Variants in RAB3GAP1 observed in about 807,000 individuals in gnomAD.
The protein encoded by RAB3GAP1 is rab3 GTPase-activating protein catalytic subunit.
Under a neutral mutation model 130.7 loss-of-function variants are expected in RAB3GAP1, and 86 were observed. The ratio of observed to expected loss-of-function variants is 0.66; its 90% CI spans 0.55 to 0.79. RAB3GAP1 has a LOEUF of 0.79. Among genes scored for constraint, RAB3GAP1 ranks in the 30% least tolerant of loss-of-function variants. The probability of loss-of-function intolerance (pLI) is 0.00; values close to 1 mark genes in which losing one functional copy is unlikely to be tolerated. For missense variants in RAB3GAP1, 1,029 were observed against 1,169.4 expected, an observed-to-expected ratio of 0.88 and a Z score of 1.75; for synonymous variants, 367 against 401.7, an observed-to-expected ratio of 0.91 and a Z score of 1.03.
rs371640817 is a variant in RAB3GAP1, at chr2:135,113,185, G to A, written c.397G>A (p.Ala133Thr). The change falls in exon 6 of 24, where the codon GCT (alanine) becomes ACT (threonine). Residue 133 changes from alanine (A) to threonine (T), a missense_variant. Physicochemically the swap from Ala to Thr is moderately conservative, Grantham distance 58. Transcript: ENST00000264158. The stretch of plus-strand genomic sequence containing the variant: ...ACGTGAGTTCGTGGTGATTGCCCCT[G>A]CTGCACACAGTGACGCTGTTCTCAG... ...GLREFVVIAP[A>T]AHSDAVLSES... 1.1e-5 allele frequency: 17 copies of A among 1,613,966 alleles called. No homozygotes were observed. The African/African-American group carries it at 1.7e-4, about 16-fold the overall frequency.
intron 3 of RAB3GAP1, chr2:135,089,556 T>C (rs553920134): frequency 1.3e-5 from 2 of 152,860 alleles, no homozygotes; most frequent in East Asian, 3.9e-4. Context: ...TCCTCTCTTA[T>C]TTCCTTGCCT....
At chr2:135,130,790 T>C in intron 13 of RAB3GAP1, 69 bp downstream of exon 13, 1 of 1,431,116 alleles carries the variant, frequency 7.0e-7, no homozygotes, top group Non-Finnish European at 9.8e-7. Context: ...CCAGTTCCTT[T>C]TATGTGGTAG....
In RAB3GAP1 at chr2:135,153,670, C is replaced by G; in HGVS notation, c.2083C>G (p.Leu695Val). The G allele has an allele frequency of 6.2e-7, 1 of 1,613,864 alleles. No homozygotes were observed. Among genetic ancestry groups the G allele is most frequent in the Non-Finnish European group, 8.5e-7 (1 of 1,179,874 alleles). Residue 695 changes from leucine (L) to valine (V), a missense_variant, in exon 19 of 24, where the codon CTG becomes GTG. By Grantham distance (32) the Leu-to-Val change is conservative. Around this residue, in one of 3 missense-constraint regions of RAB3GAP1, gnomAD observed 373 missense variants for 493.6 expected, o/e 0.76. Coordinates refer to ENST00000264158, the MANE Select transcript of RAB3GAP1 (RefSeq NM_012233.3). ...SFKAANPGCS[L>V]EDFVRWYSPR... is the part of the protein sequence containing the mutation. ...TTAGGCAGCTAATCCAGGTTGCTCCCTGGAAGATTTTGTGAGGTGGTATTC... is the reference window on the plus strand; with the variant it reads ...TTAGGCAGCTAATCCAGGTTGCTCCGTGGAAGATTTTGTGAGGTGGTATTC...
At chr2:135,161,216 A>G (rs1221753631) in intron 19 of RAB3GAP1, among the ~76,000 whole-genome samples, 1 of 152,210 alleles carries the variant, frequency 6.6e-6, no homozygotes. Flanking sequence ...TAATTGCTGT[A>G]CATGTCCCAT....
At chr2:135,077,526 T>C (rs953573975) in intron 3 of RAB3GAP1, among the ~76,000 whole-genome samples, 6 of 152,290 alleles carry the variant, frequency 3.9e-5, no homozygotes, top group Admixed American at 2.6e-4. Context: ...ACCCTATCTC[T>C]ACCAAAAAAA....
chr2:135,107,975 CAAAAAAAAAAAAA>C (rs59782185), intron 5 of RAB3GAP1, among the ~76,000 whole-genome samples: 1 of 51,952 alleles, frequency 1.9e-5, no homozygotes, highest in Non-Finnish European at 4.5e-5. Flanking sequence ...AACTCCATCT[CAAAAAAAAAAAAA>C]AAAAAAAAAA....
In RAB3GAP1 at chr2:135,124,211, C is replaced by T. The variant is rs1295068833; in HGVS notation, c.795C>T (p.Gly265=). ...VGGEVGGLEF[G]KLPFGACEDP... The stretch of plus-strand genomic sequence containing the variant: ...GAGAAGTTGGAGGCTTGGAGTTTGG[C>T]AAGTTACCATTTGGTGCCTGCGAAG... The change falls in exon 9 of 24, where the codon GGC becomes GGT. Residue 265 remains glycine, a synonymous_variant. Coordinates refer to ENST00000264158, the MANE Select transcript of RAB3GAP1 (RefSeq NM_012233.3). The T allele has an allele frequency of 6.2e-7, 1 of 1,614,154 alleles. No individual in the cohort carries two copies. The highest frequency in any genetic ancestry group is 1.3e-5 in the African/African-American group (1 of 75,060).
chr2:135,116,581 T>C (rs1005327483), intron 7 of RAB3GAP1, among the ~76,000 whole-genome samples: 10 of 152,218 alleles, frequency 6.6e-5, no homozygotes, highest in African/African-American at 2.4e-4. Context: ...ATTGGGATGA[T>C]TTTAATATGG....
At chr2:135,166,235 A>G (rs1170519939) in intron 23 of RAB3GAP1, among the ~76,000 whole-genome samples, 2 of 152,138 alleles carry the variant, frequency 1.3e-5, no homozygotes, top group African/African-American at 4.8e-5. Context: ...TAGTCCTGAG[A>G]TTGTTACTTA....
intron 2 of RAB3GAP1, 120 bp downstream of exon 2, chr2:135,052,605 T>C: frequency 8.7e-7 from 1 of 1,144,442 alleles, no homozygotes; most frequent in Non-Finnish European, 1.3e-6. Context: ...ATACCGTGGG[T>C]CCCGGGTCTC....
downstream of RAB3GAP1, among the ~76,000 whole-genome samples, chr2:135,171,722 G>A (rs1692860320): frequency 6.6e-6 from 1 of 152,320 alleles, no homozygotes; most frequent in Non-Finnish European, 1.5e-5. Flanking sequence ...TGACTAGAAC[G>A]TGGAAGACCT....
rs1573572982 is a variant in RAB3GAP1, at chr2:135,124,362, G to A, written c.830+116G>A. ...GCTTGCTGGGATGAATGTAGTACTG[G>A]AAATAAAGAAAGACGTACACCTGGG... On this transcript the variant is annotated intron_variant, in intron 9 of 23. Coordinates refer to ENST00000264158, the MANE Select transcript of RAB3GAP1 (RefSeq NM_012233.3). 4.6e-6 allele frequency: 5 copies of A among 1,087,548 alleles called. No individual in the cohort carries two copies. In the East Asian group the frequency reaches 1.3e-4, roughly 27 times the overall value. 67.4% of individuals were successfully genotyped at this position (1,087,548 alleles called of 1,614,324 possible).
intron 3 of RAB3GAP1, among the ~76,000 whole-genome samples, chr2:135,064,755 G>GTTTTTTTTTTTTTTTTTTTTTTTTTT (rs746093269): frequency 9.5e-6 from 1 of 104,970 alleles, no homozygotes; most frequent in Non-Finnish European, 2.1e-5. Context: ...GAGGTGTTTT[G>GTTTTTTTTTTTTTTTTTTTTTTTTTT]TTTTTTTTTT....
intron 7 of RAB3GAP1, among the ~76,000 whole-genome samples, chr2:135,119,646 A>G (rs1001092359): frequency 6.6e-6 from 1 of 152,204 alleles, no homozygotes; most frequent in African/African-American, 2.4e-5. Flanking sequence ...GCAGCTGTCT[A>G]CTATTGTGAC....
chr2:135,160,995 G>T (rs924013886), intron 19 of RAB3GAP1, among the ~76,000 whole-genome samples: 28 of 152,076 alleles, frequency 1.8e-4, no homozygotes, highest in African/African-American at 6.8e-4. Context: ...CGTGAATCCA[G>T]GTAAAGGGGA....
intron 18 of RAB3GAP1, among the ~76,000 whole-genome samples, chr2:135,151,887 C>T (rs187005595): frequency 1.6e-4 from 25 of 152,318 alleles, no homozygotes; most frequent in African/African-American, 4.8e-4. Context: ...CAAATAGGAA[C>T]TACGGAAGTT....
chr2:135,114,512 A>G (rs1336217383), intron 6 of RAB3GAP1, among the ~76,000 whole-genome samples: 1 of 152,246 alleles, frequency 6.6e-6, no homozygotes, highest in African/African-American at 2.4e-5. Context: ...TATGTGCTAT[A>G]AAGTTGCCAC....
At chr2:135,089,756 T>TA in intron 3 of RAB3GAP1, 3 of 280,960 alleles carry the variant, frequency 1.1e-5, no homozygotes, top group South Asian at 5.7e-5. Context: ...TATGCAGCCA[T>TA]AAAAAAGGAT....
At chr2:135,064,228 G>C (rs1210715948) in intron 3 of RAB3GAP1, among the ~76,000 whole-genome samples, 1 of 151,896 alleles carries the variant, frequency 6.6e-6, no homozygotes, top group African/African-American at 2.4e-5. Flanking sequence ...ATAAATTTTT[G>C]TTTTTCACCA....
Sources: gnomAD v4.1 joint callset for allele counts (sites outside exome capture counted in the v4.1 genomes callset) on GRCh38, gnomAD v4.1.1 for gene constraint, gnomAD v4.1.1 regional missense constraint, MANE v1.5 for transcripts, NCBI Gene and HGNC (gene_info 2026-07-23, HGNC 2026-07-21) for gene names.